STK32B: variants seen among roughly 807,000 people sequenced by gnomAD.
STK32B encodes the protein serine/threonine-protein kinase 32B.
STK32B carries 43 observed loss-of-function variants against 52.6 expected under a neutral mutation model. The ratio of observed to expected loss-of-function variants is 0.82; its 90% CI spans 0.64 to 1.05. STK32B has a LOEUF of 1.05. Ranked by LOEUF, STK32B falls within the 50% of genes least tolerant of loss-of-function variation. The pLI is 0.00. For missense variants in STK32B, 621 were observed against 534.6 expected (o/e 1.16, Z -1.59); for synonymous variants, 238 against 204.3 (o/e 1.17, Z -1.41).
At chr4:5,035,502 A>C in the STK32B span, among the ~76,000 whole-genome samples, 7 of 152,130 alleles carry the variant, frequency 4.6e-5, no homozygotes, top group South Asian at 1.0e-3. Context: ...TTGGGTGAAG[A>C]CCCCCACCCA....
Position 5,085,589 on chromosome 4 carries a change from A to G in STK32B, c.52+33674A>G, listed in dbSNP as rs183558319. Among the ~76,000 whole-genome samples the G allele has an allele frequency of 4.0e-3, 608 of 152,332 alleles. 10 individuals carry two copies. The highest frequency in any genetic ancestry group is 2.5e-3 in the Non-Finnish European group (169 of 68,026). On this transcript the variant is annotated intron_variant, in intron 1 of 11. Transcript: ENST00000282908. The stretch of plus-strand genomic sequence containing the variant: ...ATTCTCTACTATGTTCAAAACAAAC[A>G]CCAACAGGCCATTAGTGAAAATGGC...
intron 3 of STK32B, among the ~76,000 whole-genome samples, chr4:5,196,460 C>T (rs948085781): frequency 2.0e-5 from 3 of 149,500 alleles, no homozygotes; most frequent in South Asian, 2.1e-4. Flanking sequence ...CAGTGGCTGA[C>T]GCCTATAATC....
At chr4:5,311,918 T>G (rs182498903) in intron 3 of STK32B, among the ~76,000 whole-genome samples, 4 of 137,176 alleles carry the variant, frequency 2.9e-5, no homozygotes, top group Non-Finnish European at 6.1e-5. Flanking sequence ...ATATATATTT[T>G]TTTTTAAAGT....
chr4:5,394,862 A>G lies in STK32B; in HGVS notation c.435-3345A>G, dbSNP rs1235243348. Among the ~76,000 whole-genome samples the G allele has an allele frequency of 6.6e-6, 1 of 152,256 alleles. No homozygotes were observed. Among genetic ancestry groups the G allele is most frequent in the Admixed American group, 6.5e-5 (1 of 15,288 alleles). ...TTCTATTGTTGTGAAACTAATTACC[A>G]CTAACTTAACAACTTAAAATAACTC... On this transcript the variant is annotated intron_variant, in intron 4 of 11. Transcript: ENST00000282908. This position sits in a 1 kb window ranked among gnomAD's most constrained non-coding sequence, Gnocchi z 4.2.
chr4:5,245,891 A>G (rs1270685319), intron 3 of STK32B, among the ~76,000 whole-genome samples: 7 of 152,180 alleles, frequency 4.6e-5, no homozygotes, highest in Non-Finnish European at 7.3e-5. Flanking sequence ...AAGAATGTTG[A>G]ATATTGGCCC....
intron 1 of STK32B, among the ~76,000 whole-genome samples, chr4:5,126,268 A>G (rs1352209079): frequency 6.6e-6 from 1 of 151,920 alleles, no homozygotes; most frequent in Non-Finnish European, 1.5e-5. Flanking sequence ...TGTGCCCTTT[A>G]TCTCCATCCC....
intron 3 of STK32B, among the ~76,000 whole-genome samples, chr4:5,198,152 A>G (rs1311893744): frequency 6.6e-6 from 1 of 152,200 alleles, no homozygotes; most frequent in Non-Finnish European, 1.5e-5. Context: ...CTAACAATGG[A>G]TACTTCTCAA....
intron 3 of STK32B, among the ~76,000 whole-genome samples, chr4:5,287,056 A>G (rs1457590435): frequency 6.6e-6 from 1 of 152,096 alleles, no homozygotes; most frequent in East Asian, 1.9e-4. Context: ...TCGGCCTCCC[A>G]AAGTGCTGGG....
chr4:5,180,022 C>T (rs1040613554), intron 3 of STK32B, among the ~76,000 whole-genome samples: 1 of 152,176 alleles, frequency 6.6e-6, no homozygotes, highest in Admixed American at 6.5e-5. Flanking sequence ...CATTGAGTCT[C>T]ATGGACAGGC....
chr4:5,431,559 G>A (rs908938399), intron 6 of STK32B, among the ~76,000 whole-genome samples: 4 of 151,472 alleles, frequency 2.6e-5, no homozygotes, highest in African/African-American at 9.7e-5. Context: ...ACATGAAGTA[G>A]CTTTCTGATA....
chr4:5,257,872 G>A (rs1190920613), intron 3 of STK32B, among the ~76,000 whole-genome samples: 5 of 152,232 alleles, frequency 3.3e-5, no homozygotes, highest in African/African-American at 4.8e-5. Context: ...GAGCCTGGGA[G>A]GCAGAAGTTT....
chr4:5,160,181 A>T (rs1314486591), intron 2 of STK32B, among the ~76,000 whole-genome samples: 1 of 152,194 alleles, frequency 6.6e-6, no homozygotes, highest in Non-Finnish European at 1.5e-5. Flanking sequence ...GACAACCATG[A>T]GCCCGTTCCT....
In STK32B at chr4:5,136,871, G is replaced by A. The variant is rs372537391; in HGVS notation, c.53-3034G>A. Among the ~76,000 whole-genome samples, 33 of 152,268 alleles carry A rather than the reference G, an allele frequency of 2.2e-4. 1 individual carries two copies. In the South Asian group the frequency reaches 2.7e-3, roughly 12 times the overall value. On this transcript the variant is annotated intron_variant, in intron 1 of 11. Transcript: ENST00000282908. ...GCCAAATAAATAGGAACCACAGGCC[G>A]TGTGCTCAAAGTCATCTACATCCAA...
chr4:5,484,213 G>T (rs188313992), intron 11 of STK32B, among the ~76,000 whole-genome samples: 1,565 of 152,266 alleles, frequency 0.01, 21 homozygotes, highest in African/African-American at 0.035. Context: ...TTATTATTGT[G>T]TTGGTGTCTC....
intron 11 of STK32B, among the ~76,000 whole-genome samples, chr4:5,474,687 A>G (rs964346054): frequency 1.3e-5 from 2 of 152,134 alleles, no homozygotes; most frequent in Non-Finnish European, 2.9e-5. Flanking sequence ...TTAATAGAAA[A>G]GGCAGTTAAC....
At chr4:5,085,943 A>T (rs1712708755) in intron 1 of STK32B, among the ~76,000 whole-genome samples, 1 of 152,204 alleles carries the variant, frequency 6.6e-6, no homozygotes, top group South Asian at 2.1e-4. Flanking sequence ...CCGGAAGAAG[A>T]CTAGCTGGAA....
At chr4:5,066,260 G>A (rs1235580782) in intron 1 of STK32B, among the ~76,000 whole-genome samples, 3 of 152,024 alleles carry the variant, frequency 2.0e-5, no homozygotes, top group Non-Finnish European at 4.4e-5. Flanking sequence ...ATCCAATTAA[G>A]CACCTGGCTA....
At chr4:5,189,603 A>C (rs561240152) in intron 3 of STK32B, among the ~76,000 whole-genome samples, 5 of 152,214 alleles carry the variant, frequency 3.3e-5, no homozygotes, top group African/African-American at 1.2e-4. Flanking sequence ...GTGTGAATAA[A>C]CCTGCTTTAA....
chr4:5,249,926 G>A (rs939551046), intron 3 of STK32B, among the ~76,000 whole-genome samples: 1 of 152,116 alleles, frequency 6.6e-6, no homozygotes, highest in Non-Finnish European at 1.5e-5. Context: ...CCCTCAAGGA[G>A]GCGCTGGTTT....
Sources: gnomAD v4.1 joint callset for allele counts (sites outside exome capture counted in the v4.1 genomes callset) on GRCh38, gnomAD v4.1.1 for gene constraint, Gnocchi (gnomAD v3.1) non-coding constraint, MANE v1.5 for transcripts, NCBI Gene and HGNC (gene_info 2026-07-23, HGNC 2026-07-21) for gene names.